Variants in MARCHF1 observed in about 807,000 individuals in gnomAD.
MARCHF1 encodes the protein E3 ubiquitin-protein ligase MARCHF1.
In MARCHF1, 40 loss-of-function variants were observed where a neutral mutation model predicts 54.2. The observed-to-expected ratio is 0.74, with a 90% CI of 0.57 to 0.96. The LOEUF (loss-of-function observed/expected upper bound fraction) is 0.96. MARCHF1 is among the 40% of genes least tolerant of loss of function. The pLI is 0.00. For missense variants in MARCHF1, 586 were observed against 656.5 expected, an observed-to-expected ratio of 0.89 and a Z score of 1.17; for synonymous variants, 236 against 236.3, an observed-to-expected ratio of 1.00 and a Z score of 0.01.
At chr4:164,104,175 C>T (rs1755638743) in intron 2 of MARCHF1, among the ~76,000 whole-genome samples, 1 of 146,086 alleles carries the variant, frequency 6.8e-6, no homozygotes, top group Non-Finnish European at 1.5e-5. Context: ...CAGCCGAATT[C>T]TACCAGAGGT....
chr4:163,611,714 T>G (rs749390695), intron 7 of MARCHF1, among the ~76,000 whole-genome samples: 2 of 152,118 alleles, frequency 1.3e-5, no homozygotes, highest in Non-Finnish European at 2.9e-5. Flanking sequence ...GTAAAGTTAA[T>G]GTGGCCCCCT....
chr4:164,287,567 A>C (rs1306415767), intron 1 of MARCHF1, among the ~76,000 whole-genome samples: 2 of 152,140 alleles, frequency 1.3e-5, no homozygotes, highest in African/African-American at 4.8e-5. Context: ...TTTGTGTGCA[A>C]CCCTAGTAGG....
At chr4:163,915,294 C>T (rs1392966101) in intron 3 of MARCHF1, among the ~76,000 whole-genome samples, 3 of 151,984 alleles carry the variant, frequency 2.0e-5, no homozygotes, top group African/African-American at 7.2e-5. Flanking sequence ...TTTACCTTGC[C>T]TCTGTGATAT....
rs1560940431 is a variant in MARCHF1 at position 164,176,962 on chromosome 4, CTCTCTCTCTCTCTCTCTCTATAT to C, written c.-322-65323_-322-65301del. 2.1e-4 allele frequency among the ~76,000 whole-genome samples: 9 copies of C among 42,274 alleles called. 1 individual carries two copies. Among genetic ancestry groups the C allele is most frequent in the Non-Finnish European group, 3.3e-4 (8 of 24,004 alleles). 27.7% of individuals were successfully genotyped at this position (42,274 alleles called of 152,430 possible). A position where few individuals can be genotyped will look rare whatever the true frequency, so the allele number is the denominator to read the frequency against. On this transcript the variant is annotated intron_variant, in intron 1 of 9. Transcript: ENST00000514618. The stretch of plus-strand genomic sequence containing the variant: ...GTGCGCTCTCTCTCTCTCTCTCTCT[CTCTCTCTCTCTCTCTCTCTATAT>C]ATATATATATATATATATATATATA...
intron 2 of MARCHF1, among the ~76,000 whole-genome samples, chr4:164,032,809 A>G (rs1247305193): frequency 6.6e-6 from 1 of 152,074 alleles, no homozygotes; most frequent in Non-Finnish European, 1.5e-5. Flanking sequence ...AACTACCTTA[A>G]AATTCATATG....
At chr4:163,709,209 C>A (rs908991777) in intron 4 of MARCHF1, among the ~76,000 whole-genome samples, 1 of 152,074 alleles carries the variant, frequency 6.6e-6, no homozygotes, top group African/African-American at 2.4e-5. Context: ...CTTAGCATGG[C>A]GGGATTGAGG....
chr4:164,150,738 CCA>C (rs2110906244), intron 1 of MARCHF1, among the ~76,000 whole-genome samples: 1 of 152,260 alleles, frequency 6.6e-6, no homozygotes, highest in Non-Finnish European at 1.5e-5. Flanking sequence ...TTTATTAAAA[CCA>C]CACATTTTCA....
intron 2 of MARCHF1, among the ~76,000 whole-genome samples, chr4:164,075,250 C>T (rs1250842629): frequency 6.6e-6 from 1 of 152,196 alleles, no homozygotes; most frequent in African/African-American, 2.4e-5. Flanking sequence ...AAAAATACTT[C>T]CATTCTTCAA....
At chr4:163,577,176 T>C (rs1740068361) in intron 8 of MARCHF1, among the ~76,000 whole-genome samples, 1 of 152,036 alleles carries the variant, frequency 6.6e-6, no homozygotes, top group Non-Finnish European at 1.5e-5. Flanking sequence ...GGCTGCTTTG[T>C]AGGACTACGT....
intron 1 of MARCHF1, among the ~76,000 whole-genome samples, chr4:164,198,407 A>G (rs1439812751): frequency 6.6e-6 from 1 of 152,180 alleles, no homozygotes; most frequent in African/African-American, 2.4e-5. Flanking sequence ...GAGAGGAATA[A>G]TTTTTTACTT....
chr4:163,893,377 G>A (rs1250740137), intron 3 of MARCHF1, among the ~76,000 whole-genome samples: 7 of 152,132 alleles, frequency 4.6e-5, no homozygotes, highest in Non-Finnish European at 7.4e-5. Flanking sequence ...GACCTTGAGT[G>A]ATCTGCCCAC....
intron 1 of MARCHF1, among the ~76,000 whole-genome samples, chr4:164,324,235 A>G (rs1355726425): frequency 1.3e-5 from 2 of 151,858 alleles, no homozygotes; most frequent in African/African-American, 4.8e-5. Flanking sequence ...CATTTCATAC[A>G]TTCCTAAAGG....
chr4:164,097,618 A>G (rs539471946), intron 2 of MARCHF1, among the ~76,000 whole-genome samples: 1 of 148,946 alleles, frequency 6.7e-6, no homozygotes, highest in Non-Finnish European at 1.5e-5. Flanking sequence ...TCTGTATTTA[A>G]GTATATGTAT....
intron 4 of MARCHF1, among the ~76,000 whole-genome samples, chr4:163,770,581 C>A (rs1747129462): frequency 6.6e-6 from 1 of 151,336 alleles, no homozygotes; most frequent in Non-Finnish European, 1.5e-5. Context: ...CACACACATA[C>A]CCACATGCAC....
chr4:163,760,690 T>A (rs1316437914), intron 4 of MARCHF1, among the ~76,000 whole-genome samples: 1 of 152,196 alleles, frequency 6.6e-6, no homozygotes, highest in Non-Finnish European at 1.5e-5. Flanking sequence ...TGAGTACATA[T>A]AAATTTCCAT....
intron 4 of MARCHF1, among the ~76,000 whole-genome samples, chr4:163,803,856 A>G (rs192975788): frequency 3.9e-5 from 6 of 152,362 alleles, no homozygotes; most frequent in Non-Finnish European, 8.8e-5. Context: ...AGACCATCTT[A>G]GAAGAATTGC....
chr4:163,933,052 A>G (rs377398658), intron 3 of MARCHF1: 5 of 1,478,260 alleles, frequency 3.4e-6, no homozygotes, highest in African/African-American at 2.8e-5. Flanking sequence ...GTATTTTACT[A>G]TGAGATTCTT....
intron 1 of MARCHF1, among the ~76,000 whole-genome samples, chr4:164,346,574 G>A (rs1181532388): frequency 1.3e-5 from 1 of 75,882 alleles, no homozygotes; most frequent in Non-Finnish European, 3.0e-5. Flanking sequence ...CCTGACAAAT[G>A]CTGATGTCCT....
At chr4:164,122,894 C>T (rs184612929) in intron 1 of MARCHF1, among the ~76,000 whole-genome samples, 1 of 152,178 alleles carries the variant, frequency 6.6e-6, no homozygotes, top group Non-Finnish European at 1.5e-5. Context: ...CCCACTATCA[C>T]CACCGTTATT....
Sources: allele counts gnomAD v4.1 joint callset (sites outside exome capture counted in the v4.1 genomes callset), GRCh38; gene constraint gnomAD v4.1.1; transcripts MANE v1.5; gene names NCBI Gene and HGNC (gene_info 2026-07-23, HGNC 2026-07-21).